BOC: variants seen among roughly 807,000 people sequenced by gnomAD.
BOC encodes the protein brother of CDO.
BOC carries 76 observed loss-of-function variants against 112.0 expected under a neutral mutation model. The ratio of observed to expected loss-of-function variants is 0.68; its 90% CI spans 0.56 to 0.82. The LOEUF (loss-of-function observed/expected upper bound fraction) is 0.82. Among genes scored for constraint, BOC ranks in the 40% least tolerant of loss-of-function variants. The pLI is 0.00. For missense variants in BOC, 1,309 were observed against 1,511.7 expected (o/e 0.87, Z 2.22); for synonymous variants, 580 against 599.8 (o/e 0.97, Z 0.48).
At chr3:113,225,363 T>C (rs2107654311) in intron 2 of BOC, among the ~76,000 whole-genome samples, 1 of 152,248 alleles carries the variant, frequency 6.6e-6, no homozygotes, top group African/African-American at 2.4e-5. Context: ...TGAAAGACAC[T>C]GGCCAGGTAT....
Position 113,250,751 on chromosome 3 carries a change from C to G in BOC, c.294C>G (p.Asn98Lys). 6.2e-7 allele frequency: 1 copy of G among 1,614,182 alleles called. No homozygotes were observed. Residue 98 changes from asparagine to lysine, a missense_variant, in exon 4 of 20, where the codon AAC becomes AAG. Physicochemically the swap from Asn to Lys is moderately conservative, Grantham distance 94. Transcript: ENST00000682979. ...HGTLVITALN[N>K]HTVGRYQCVA... ...CCCTCGTCATCACTGCCCTTAACAA[C>G]CACACTGTGGGACGGTACCAGTGTG...
rs370057169 is a variant in BOC at position 113,279,417 on chromosome 3, C to G, written c.1985C>G (p.Pro662Arg). 8 of 1,614,086 alleles carry G rather than the reference C, an allele frequency of 5.0e-6. No homozygotes were observed. Among genetic ancestry groups the G allele is most frequent in the East Asian group, 2.2e-5 (1 of 44,896 alleles). ...ATTCTGGCCACCAGCGCCATCCCCC[C>G]ATCGCGGCTGTCCGTGGAGATCACG... is the stretch of plus-strand genomic sequence containing the variant. ...DWILATSAIP[P>R]SRLSVEITGL... Residue 662 changes from proline (P) to arginine (R), a missense_variant, in exon 12 of 20, where the codon CCA becomes CGA. By Grantham distance (103) the Pro-to-Arg change is moderately radical. Coordinates refer to ENST00000682979, the MANE Select transcript of BOC (RefSeq NM_001378074.1).
At chr3:113,231,347 A>G (rs1942584548) in intron 2 of BOC, among the ~76,000 whole-genome samples, 1 of 152,238 alleles carries the variant, frequency 6.6e-6, no homozygotes, top group South Asian at 2.1e-4. Flanking sequence ...ACATTTTTCT[A>G]TGACAACCCA....
At chr3:113,249,924 T>C in intron 3 of BOC, 25 bp downstream of exon 3, 1 of 1,589,456 alleles carries the variant, frequency 6.3e-7, no homozygotes. Context: ...TCCCTTTCCC[T>C]GCCCTTACAG....
At chr3:113,233,175 G>GTGTGTGTGTGTGTGTGTGTT (rs1942929646) in intron 2 of BOC, among the ~76,000 whole-genome samples, 3 of 151,240 alleles carry the variant, frequency 2.0e-5, no homozygotes, top group African/African-American at 7.3e-5. Context: ...GTGTGTGTGT[G>GTGTGTGTGTGTGTGTGTGTT]TGTGTGTGTG....
intron 2 of BOC, among the ~76,000 whole-genome samples, chr3:113,236,372 G>T (rs1241795205): frequency 8.3e-6 from 1 of 120,016 alleles, no homozygotes; most frequent in African/African-American, 2.8e-5. Flanking sequence ...CAGCAACATA[G>T]ATAGAACTGG....
intron 1 of BOC, chr3:113,212,433 C>G (rs1385203875): frequency 1.3e-5 from 2 of 152,394 alleles, no homozygotes; most frequent in South Asian, 2.1e-4. Flanking sequence ...CACCAGCGCC[C>G]CGGCCCCATG....
intron 2 of BOC, among the ~76,000 whole-genome samples, chr3:113,244,447 GT>G (rs1401306438): frequency 1.3e-5 from 2 of 152,068 alleles, no homozygotes; most frequent in East Asian, 1.9e-4. Context: ...TCAAACCGTT[GT>G]TTTTTTTCTC....
At position 113,270,994 on chromosome 3, in the gene BOC, G is replaced by A. The variant is rs150822546; in HGVS notation, c.667+50G>A. 4.5e-4 allele frequency: 720 copies of A among 1,612,084 alleles called. 2 individuals carry two copies. In the African/African-American group the frequency reaches 8.2e-3, roughly 18 times the overall value. On this transcript the variant is annotated intron_variant, in intron 6 of 19. Coordinates refer to ENST00000682979, the MANE Select transcript of BOC (RefSeq NM_001378074.1). ...GGGATGGGGGATCACTGATGGAAGG[G>A]CTCACAAAGATGGAAAGGGAGGTAG...
intron 19 of BOC, 38 bp from the exon 20 acceptor site, chr3:113,286,637 A>C (rs1049190019): frequency 1.3e-6 from 2 of 1,490,278 alleles, no homozygotes; most frequent in Non-Finnish European, 1.8e-6. Context: ...TCCTCGGTCA[A>C]TCTGGATTTT....
intron 2 of BOC, among the ~76,000 whole-genome samples, chr3:113,230,976 C>A (rs1942519331): frequency 6.6e-6 from 1 of 152,148 alleles, no homozygotes; most frequent in African/African-American, 2.4e-5. Context: ...TACTTATCCA[C>A]ATTGTGTGAA....
intron 2 of BOC, among the ~76,000 whole-genome samples, chr3:113,240,852 A>G (rs972112200): frequency 7.9e-5 from 12 of 152,136 alleles, no homozygotes; most frequent in Non-Finnish European, 1.8e-4. Flanking sequence ...GGGATCCCCA[A>G]GCCTGACTTC....
Position 113,278,338 on chromosome 3 carries a change from C to A in BOC, c.1705+81C>A. ...ACTGGCCCAGGTGAGAATTCCTGCT[C>A]ACCTTGCCCCAGCTGTTCACCTTGA... On this transcript the variant is annotated intron_variant, in intron 10 of 19. Transcript: ENST00000682979. This position sits in a 1 kb window ranked among gnomAD's most constrained non-coding sequence, Gnocchi z 4.2. 1 of 1,448,028 alleles carries A rather than the reference C, an allele frequency of 6.9e-7. No homozygotes were observed. Among genetic ancestry groups the A allele is most frequent in the Non-Finnish European group, 9.5e-7 (1 of 1,049,116 alleles). 89.7% of individuals were successfully genotyped at this position (1,448,028 alleles called of 1,614,324 possible).
chr3:113,219,275 G>C (rs1457614355), intron 2 of BOC, among the ~76,000 whole-genome samples: 1 of 152,218 alleles, frequency 6.6e-6, no homozygotes, highest in Non-Finnish European at 1.5e-5. Context: ...ACTGAGGTTG[G>C]TTTGTCAGTG....
At chr3:113,257,480 A>G (rs946866066) in intron 4 of BOC, among the ~76,000 whole-genome samples, 9 of 152,188 alleles carry the variant, frequency 5.9e-5, no homozygotes, top group Non-Finnish European at 1.0e-4. Flanking sequence ...AATTTGGGCT[A>G]TCTTATTAAG....
chr3:113,269,710 G>T (rs1255971398), intron 5 of BOC: 1 of 152,154 alleles, frequency 6.6e-6, no homozygotes, highest in African/African-American at 2.4e-5. Context: ...GGAGACTAGG[G>T]GAAGAAGAGC....
In BOC at chr3:113,283,649, T is replaced by G. The variant is rs533983192; in HGVS notation, c.2656+17T>G. 1.1e-4 allele frequency: 174 copies of G among 1,606,992 alleles called. No individual in the cohort carries two copies. The highest frequency in any genetic ancestry group is 1.4e-4 in the Non-Finnish European group (168 of 1,174,274). On this transcript the variant is annotated intron_variant, in intron 16 of 19. Transcript: ENST00000682979. The stretch of plus-strand genomic sequence containing the variant: ...CTAAGCAAAGTGAGTGAGTGACGCT[T>G]TCAGTGGGAGGATCCTGGGTGGGAA...
At position 113,216,425 on chromosome 3, in the gene BOC, G is replaced by A. The variant is rs532723993; in HGVS notation, c.-82+151G>A. 4.3e-4 allele frequency: 160 copies of A among 373,242 alleles called. 1 individual carries two copies. The highest frequency in any genetic ancestry group is 3.0e-3 in the African/African-American group (142 of 47,588). 23.1% of individuals were successfully genotyped at this position (373,242 alleles called of 1,614,324 possible). ...GGAATCTGGACTAAACTTCAGGTTA[G>A]TTCTAGCTCGGTTCATATGCTCTTT... On this transcript the variant is annotated intron_variant, in intron 2 of 19. Coordinates refer to ENST00000682979, the MANE Select transcript of BOC (RefSeq NM_001378074.1).
chr3:113,245,593 A>AAGACAATTGGGAAAGGTGATTCTTACTCT (rs1944817210), intron 2 of BOC, among the ~76,000 whole-genome samples: 1 of 152,182 alleles, frequency 6.6e-6, no homozygotes, highest in Non-Finnish European at 1.5e-5. Context: ...CCCTGCCTTT[A>AAGACAATTGGGAAAGGTGATTCTTACTCT]AGACAATTGG....
Sources: gnomAD v4.1 joint callset for allele counts (sites outside exome capture counted in the v4.1 genomes callset) on GRCh38, gnomAD v4.1.1 for gene constraint, Gnocchi (gnomAD v3.1) non-coding constraint, MANE v1.5 for transcripts, NCBI Gene and HGNC (gene_info 2026-07-23, HGNC 2026-07-21) for gene names.